The following CPA6 variants were observed in gnomAD, a reference collection of about 807,000 sequenced individuals.
CPA6 encodes the protein carboxypeptidase A6.
A neutral mutation model predicts 63.3 loss-of-function variants in CPA6; 58 were observed. The ratio of observed to expected loss-of-function variants is 0.92; its 90% CI spans 0.74 to 1.14. The LOEUF is 1.14. Among genes scored for constraint, CPA6 ranks in the 50% most tolerant of loss-of-function variants. The pLI, the probability that CPA6 is intolerant of heterozygous loss-of-function variation, is 0.00. For missense variants in CPA6, 565 were observed against 526.6 expected, an observed-to-expected ratio of 1.07 and a Z score of -0.71; for synonymous variants, 185 against 179.0, an observed-to-expected ratio of 1.03 and a Z score of -0.27.
At chr8:67,529,971 A>T (rs1041482409) in intron 2 of CPA6, among the ~76,000 whole-genome samples, 2 of 152,212 alleles carry the variant, frequency 1.3e-5, no homozygotes, top group African/African-American at 2.4e-5. Context: ...AACAGAAAAG[A>T]GTTTTGTGGA....
chr8:67,487,792 G>A (rs1489323158), intron 6 of CPA6, among the ~76,000 whole-genome samples: 10 of 152,190 alleles, frequency 6.6e-5, no homozygotes, highest in East Asian at 5.8e-4. Flanking sequence ...TTTGATTTGC[G>A]TTTCTCTGAT....
At chr8:67,595,247 T>C (rs1814292567) in intron 2 of CPA6, among the ~76,000 whole-genome samples, 1 of 152,184 alleles carries the variant, frequency 6.6e-6, no homozygotes. Context: ...GGAAGTTTTG[T>C]CTCAGAGGAG....
Position 67,746,175 on chromosome 8 carries a change from A to T in CPA6, c.-46T>A. 2 of 1,466,910 alleles carry T rather than the reference A, an allele frequency of 1.4e-6. No individual in the cohort carries two copies. The highest frequency in any genetic ancestry group is 1.9e-6 in the Non-Finnish European group (2 of 1,059,248). 90.9% of individuals were successfully genotyped at this position (1,466,910 alleles called of 1,614,324 possible). On this transcript the variant is annotated 5_prime_UTR_variant, in exon 1 of 11. Coordinates refer to ENST00000297770, the MANE Select transcript of CPA6 (RefSeq NM_020361.5). Reference sequence around the variant, plus strand: ...TGAAAGTTACTTAAGCAGCCACCCGAGGCTGGAGGTGGCTCACAGCACCCT... The same window carrying T: ...TGAAAGTTACTTAAGCAGCCACCCGTGGCTGGAGGTGGCTCACAGCACCCT...
intron 6 of CPA6, among the ~76,000 whole-genome samples, chr8:67,485,084 G>C (rs1276963244): frequency 1.3e-5 from 2 of 152,168 alleles, no homozygotes; most frequent in African/African-American, 4.8e-5. Flanking sequence ...CAGCAACATA[G>C]ATAGGATTTG....
intron 1 of CPA6, among the ~76,000 whole-genome samples, chr8:67,697,214 G>A (rs1302164317): frequency 1.3e-5 from 2 of 152,196 alleles, no homozygotes; most frequent in African/African-American, 2.4e-5. Context: ...CAGCTCCCAG[G>A]GATGGCAAAC....
At chr8:67,630,084 G>A (rs966276365) in intron 1 of CPA6, among the ~76,000 whole-genome samples, 2 of 148,380 alleles carry the variant, frequency 1.3e-5, no homozygotes, top group East Asian at 2.0e-4. Flanking sequence ...CAGTCCGGGC[G>A]ACAGAGTGAG....
chr8:67,580,964 C>G (rs1156487278), intron 2 of CPA6, among the ~76,000 whole-genome samples: 1 of 152,066 alleles, frequency 6.6e-6, no homozygotes, highest in Non-Finnish European at 1.5e-5. Flanking sequence ...TAGTCACCCC[C>G]AAGTGTTATG....
intron 1 of CPA6, among the ~76,000 whole-genome samples, chr8:67,695,720 G>A (rs1346020584): frequency 6.6e-6 from 1 of 152,154 alleles, no homozygotes; most frequent in Non-Finnish European, 1.5e-5. Flanking sequence ...TACAGTGCCA[G>A]CTATGTGTTA....
chr8:67,653,009 T>C (rs901385922), intron 1 of CPA6, among the ~76,000 whole-genome samples: 3 of 152,210 alleles, frequency 2.0e-5, no homozygotes, highest in African/African-American at 7.2e-5. Flanking sequence ...CCTTTCCCCA[T>C]TGCTTGTTTT....
At chr8:67,548,376 T>C (rs11994566) in intron 2 of CPA6, among the ~76,000 whole-genome samples, 3,131 of 151,696 alleles carry the variant, frequency 0.021, 113 homozygotes, top group African/African-American at 0.07. Flanking sequence ...CTCAGCCTCC[T>C]GAGCAGCTGG....
At position 67,428,097 on chromosome 8, in the gene CPA6, T is replaced by C. The variant is rs780854352; in HGVS notation, c.1076A>G (p.Gln359Arg). Residue 359 changes from glutamine to arginine, a missense_variant, in exon 10 of 11, where the codon CAG (glutamine) becomes CGG (arginine). By Grantham distance (43) the Gln-to-Arg change is conservative. Coordinates refer to ENST00000297770, the MANE Select transcript of CPA6 (RefSeq NM_020361.5). Reference protein sequence around the residue: ...SAAYKAVNALQSVYGVRYRYG... With the variant: ...SAAYKAVNALRSVYGVRYRYG... ...TCTGTATCGTACCCCGTATACTGAC[T>C]GAAGTGCATTCACAGCTTTATAAGC... 2.5e-6 allele frequency: 4 copies of C among 1,613,370 alleles called. No homozygotes were observed. Among genetic ancestry groups the C allele is most frequent in the Non-Finnish European group, 3.4e-6 (4 of 1,179,414 alleles).
At chr8:67,498,548 A>G (rs1811769333) in intron 6 of CPA6, among the ~76,000 whole-genome samples, 3 of 133,344 alleles carry the variant, frequency 2.2e-5, no homozygotes, top group African/African-American at 3.6e-5. Flanking sequence ...AAAAAAAAAA[A>G]AAAAAAAAAA....
chr8:67,425,950 G>A (rs1809873435), intron 10 of CPA6, among the ~76,000 whole-genome samples: 1 of 149,162 alleles, frequency 6.7e-6, no homozygotes, highest in Non-Finnish European at 1.5e-5. Flanking sequence ...AGGCTGGAGT[G>A]CAATGGCACC....
chr8:67,507,630 A>G (rs1811957579), intron 5 of CPA6, among the ~76,000 whole-genome samples: 1 of 152,148 alleles, frequency 6.6e-6, no homozygotes, highest in South Asian at 2.1e-4. Flanking sequence ...AGTACTGGAG[A>G]TTCAAACATG....
intron 7 of CPA6, 44 bp from the exon 8 acceptor site, chr8:67,483,902 A>T (rs745564589): frequency 1.8e-5 from 26 of 1,484,452 alleles, no homozygotes; most frequent in Admixed American, 6.7e-5. Flanking sequence ...AATACTTAAA[A>T]GGTTATTCGC....
intron 1 of CPA6, among the ~76,000 whole-genome samples, chr8:67,629,792 G>A (rs889342513): frequency 1.3e-5 from 2 of 152,102 alleles, no homozygotes; most frequent in African/African-American, 4.8e-5. Context: ...TTGCCTATGA[G>A]TTTTTATTTT....
At chr8:67,452,317 C>T (rs1052926417) in intron 8 of CPA6, 1 of 152,228 alleles carries the variant, frequency 6.6e-6, no homozygotes, top group African/African-American at 2.4e-5. Flanking sequence ...GACTTGACCT[C>T]CTAGTTGAAA....
intron 2 of CPA6, among the ~76,000 whole-genome samples, chr8:67,555,775 A>T (rs534193295): frequency 6.6e-6 from 1 of 152,246 alleles, no homozygotes; most frequent in South Asian, 2.1e-4. Flanking sequence ...ATTGAATTGG[A>T]TTGTTGGACA....
At position 67,745,331 on chromosome 8, in the gene CPA6, GATA is replaced by G. The variant is rs367570881; in HGVS notation, c.116+680_116+682del. On this transcript the variant is annotated intron_variant, in intron 1 of 10. Transcript: ENST00000297770. ...TGTCTATACCACAGCAAGCCTTCAG[GATA>G]ATAAGAATGTGCATAGTAACACACG... is the stretch of plus-strand genomic sequence containing the variant. 6.5e-3 allele frequency among the ~76,000 whole-genome samples: 982 copies of G among 152,220 alleles called. 5 individuals are homozygous for G. Among genetic ancestry groups the G allele is most frequent in the Non-Finnish European group, 0.011 (715 of 68,024 alleles).
Sources: gnomAD v4.1 joint callset for allele counts (sites outside exome capture counted in the v4.1 genomes callset) on GRCh38, gnomAD v4.1.1 for gene constraint, MANE v1.5 for transcripts, NCBI Gene and HGNC (gene_info 2026-07-23, HGNC 2026-07-21) for gene names.